The following PEX26 variants were observed in gnomAD, a reference collection of about 807,000 sequenced individuals.
PEX26 encodes the protein peroxisome assembly protein 26.
PEX26 carries 18 observed loss-of-function variants against 31.4 expected under a neutral mutation model. The observed-to-expected ratio is 0.57, with a 90% CI of 0.40 to 0.85. The LOEUF is 0.85. Among genes scored for constraint, PEX26 ranks in the 40% least tolerant of loss-of-function variants. PEX26 has a pLI of 0.00. For missense variants in PEX26, 377 were observed against 383.9 expected (o/e 0.98, Z 0.15); for synonymous variants, 176 against 166.9 (o/e 1.05, Z -0.42).
At position 18,102,293 on chromosome 22, in the gene PEX26, A is replaced by T. The variant is rs1221289776; in HGVS notation, c.*14218A>T. On this transcript the variant is annotated 3_prime_UTR_variant, in exon 5 of 5. Coordinates refer to ENST00000399744, the MANE Select transcript of PEX26 (RefSeq NM_001127649.3). The stretch of plus-strand genomic sequence containing the variant: ...CAAGAAGGTGTTTCAGGAGAAACAC[A>T]TCAAGCCATTTGTTTTTGACCCTTA... The T allele has an allele frequency of 6.6e-6, 1 of 152,362 alleles. No individual in the cohort carries two copies. Among genetic ancestry groups the T allele is most frequent in the Non-Finnish European group, 1.5e-5 (1 of 68,062 alleles). 9.4% of individuals were successfully genotyped at this position (152,362 alleles called of 1,614,324 possible).
chr22:18,080,955 T>A (rs1386384058), intron 2 of PEX26, among the ~76,000 whole-genome samples: 1 of 151,646 alleles, frequency 6.6e-6, no homozygotes, highest in Non-Finnish European at 1.5e-5. Flanking sequence ...TTTCCCAGTC[T>A]CTGGTAACCA....
intron 4 of PEX26, among the ~76,000 whole-genome samples, chr22:18,086,820 G>T (rs1926859887): frequency 1.3e-5 from 2 of 151,972 alleles, no homozygotes; most frequent in South Asian, 4.2e-4. Context: ...TGTTAACTTA[G>T]TCTTTAGATT....
chr22:18,088,416 G>A lies in PEX26; in HGVS notation c.*341G>A, dbSNP rs1569189944. On this transcript the variant is annotated 3_prime_UTR_variant, in exon 5 of 5. Transcript: ENST00000399744. This position sits in a 1 kb window ranked among gnomAD's most constrained non-coding sequence, Gnocchi z 4.1. Reference sequence around the variant, plus strand: ...GGCAAGGGGTTGGTTCTTCAGGTCAGGATGTTAATGGAGCTGGAAGTTCAG... The same window carrying A: ...GGCAAGGGGTTGGTTCTTCAGGTCAAGATGTTAATGGAGCTGGAAGTTCAG... 7.4e-6 allele frequency: 3 copies of A among 406,130 alleles called. No homozygotes were observed. The highest frequency in any genetic ancestry group is 1.4e-5 in the Non-Finnish European group (3 of 213,306). 25.2% of individuals were successfully genotyped at this position (406,130 alleles called of 1,614,324 possible). A position where few individuals can be genotyped will look rare whatever the true frequency, so the allele number is the denominator to read the frequency against.
chr22:18,080,242 C>T (rs376401621), intron 2 of PEX26, among the ~76,000 whole-genome samples: 1 of 152,222 alleles, frequency 6.6e-6, no homozygotes, highest in Admixed American at 6.5e-5. Flanking sequence ...ATAGGAGCGA[C>T]GTGGGATGAC....
Position 18,079,918 on chromosome 22 carries a change from C to T in PEX26, c.275C>T (p.Ala92Val), listed in dbSNP as rs1238353298. Residue 92 changes from alanine (A) to valine (V), a missense_variant, in exon 2 of 5, where the codon GCC (alanine) becomes GTC (valine). Coordinates refer to ENST00000399744, the MANE Select transcript of PEX26 (RefSeq NM_001127649.3). Reference protein sequence around the residue: ...KCSLCVVGIQALAEMDRWQEV... With the variant: ...KCSLCVVGIQVLAEMDRWQEV... Reference sequence around the variant, plus strand: ...TCCCTGTGTGTTGTGGGGATCCAGGCCCTGGCAGAAATGGATCGGTGGCAA... The same window carrying T: ...TCCCTGTGTGTTGTGGGGATCCAGGTCCTGGCAGAAATGGATCGGTGGCAA... 1 of 1,614,020 alleles carries T rather than the reference C, an allele frequency of 6.2e-7. No homozygotes were observed. Among genetic ancestry groups the T allele is most frequent in the South Asian group, 1.1e-5 (1 of 91,076 alleles).
rs1223190818 is a variant in PEX26, at chr22:18,097,642, G to A, written c.*9567G>A. 6.6e-6 allele frequency: 1 copy of A among 151,892 alleles called. No individual in the cohort carries two copies. The highest frequency in any genetic ancestry group is 1.5e-5 in the Non-Finnish European group (1 of 67,976). 9.4% of individuals were successfully genotyped at this position (151,892 alleles called of 1,614,324 possible). A position where few individuals can be genotyped will look rare whatever the true frequency, so the allele number is the denominator to read the frequency against. Reference sequence around the variant, plus strand: ...AAAACCAGTATGGATATAGATCCTAGTTTCTTCTCCTTTTTATAAAAAAAA... The same window carrying A: ...AAAACCAGTATGGATATAGATCCTAATTTCTTCTCCTTTTTATAAAAAAAA... On this transcript the variant is annotated 3_prime_UTR_variant, in exon 5 of 5. Coordinates refer to ENST00000399744, the MANE Select transcript of PEX26 (RefSeq NM_001127649.3).
intron 3 of PEX26, 60 bp downstream of exon 3, chr22:18,083,792 C>T (rs1295140677): frequency 5.9e-6 from 9 of 1,514,206 alleles, no homozygotes; most frequent in South Asian, 2.3e-5. Context: ...CACTGTACCT[C>T]GGGGTCTGTC....
Position 18,097,048 on chromosome 22 carries a change from C to G in PEX26, c.*8973C>G, listed in dbSNP as rs1231489147. On this transcript the variant is annotated 3_prime_UTR_variant, in exon 5 of 5. Transcript: ENST00000399744. Reference sequence around the variant, plus strand: ...GAGGGGGGATGCCACACTTTAAAACCATCAGAACTCGTGAGAACTGACTCA... The same window carrying G: ...GAGGGGGGATGCCACACTTTAAAACGATCAGAACTCGTGAGAACTGACTCA... The G allele has an allele frequency of 6.6e-6, 1 of 152,170 alleles. No individual in the cohort carries two copies. Among genetic ancestry groups the G allele is most frequent in the Non-Finnish European group, 1.5e-5 (1 of 68,056 alleles). 9.4% of individuals were successfully genotyped at this position (152,170 alleles called of 1,614,324 possible).
rs1209852400 is a variant in PEX26, at chr22:18,093,750, A to G, written c.*5675A>G. ...AAAGAGATGCCCCGGGTACGACCCC[A>G]TTTCTATTAAAAATAAATGTAAACA... is the stretch of plus-strand genomic sequence containing the variant. On this transcript the variant is annotated 3_prime_UTR_variant, in exon 5 of 5. Transcript: ENST00000399744. The G allele has an allele frequency of 6.6e-6, 1 of 152,180 alleles. No homozygotes were observed. The highest frequency in any genetic ancestry group is 1.5e-5 in the Non-Finnish European group (1 of 68,034). The allele number at this position is 152,180 out of a possible 1,614,324, so 9.4% of individuals were successfully genotyped here.
At chr22:18,086,615 G>C (rs1409685233) in intron 4 of PEX26, among the ~76,000 whole-genome samples, 1 of 152,176 alleles carries the variant, frequency 6.6e-6, no homozygotes, top group African/African-American at 2.4e-5. Flanking sequence ...TGACCCCTCA[G>C]GTGCATGAAG....
rs1333132844 is a variant in PEX26 at position 18,078,194 on chromosome 22, C to T, written c.-183C>T. 5.7e-6 allele frequency: 4 copies of T among 702,382 alleles called. No homozygotes were observed. Among genetic ancestry groups the T allele is most frequent in the Non-Finnish European group, 1.0e-5 (4 of 385,712 alleles). The allele number at this position is 702,382 out of a possible 1,614,324, so 43.5% of individuals were successfully genotyped here. ...ACTGCTTCCCCAGCCTCCAGGCGAG[C>T]CCAGCTTTTGCCTCAGATAGGCCCC... On this transcript the variant is annotated 5_prime_UTR_variant, in exon 1 of 5. Coordinates refer to ENST00000399744, the MANE Select transcript of PEX26 (RefSeq NM_001127649.3).
rs1354085025 is a variant in PEX26, at chr22:18,095,639, T to G, written c.*7564T>G. ...GGTGACAAGTGCTTGTTTTCAGAGGTGCTAAAGACAATGGCTAAAAGATGT... is the reference window on the plus strand; with the variant it reads ...GGTGACAAGTGCTTGTTTTCAGAGGGGCTAAAGACAATGGCTAAAAGATGT... On this transcript the variant is annotated 3_prime_UTR_variant, in exon 5 of 5. Transcript: ENST00000399744. The G allele has an allele frequency of 6.6e-6, 1 of 151,882 alleles. No homozygotes were observed. The highest frequency in any genetic ancestry group is 1.5e-5 in the Non-Finnish European group (1 of 68,030). 9.4% of individuals were successfully genotyped at this position (151,882 alleles called of 1,614,324 possible). A position where few individuals can be genotyped will look rare whatever the true frequency, so the allele number is the denominator to read the frequency against.
chr22:18,100,320 C>A lies in PEX26; in HGVS notation c.*12245C>A, dbSNP rs1927415939. On this transcript the variant is annotated 3_prime_UTR_variant, in exon 5 of 5. Coordinates refer to ENST00000399744, the MANE Select transcript of PEX26 (RefSeq NM_001127649.3). ...AAACTCCTGATCTTGGGTGATCTGC[C>A]CTCCTCAGCCTCCCAAAGTGCTGGG... is the stretch of plus-strand genomic sequence containing the variant. 6.6e-6 allele frequency: 1 copy of A among 152,090 alleles called. No homozygotes were observed. The highest frequency in any genetic ancestry group is 1.5e-5 in the Non-Finnish European group (1 of 68,004). The allele number at this position is 152,090 out of a possible 1,614,324, so 9.4% of individuals were successfully genotyped here. A position where few individuals can be genotyped will look rare whatever the true frequency, so the allele number is the denominator to read the frequency against.
At chr22:18,081,116 G>T (rs960400670) in intron 2 of PEX26, among the ~76,000 whole-genome samples, 2 of 142,436 alleles carry the variant, frequency 1.4e-5, no homozygotes, top group African/African-American at 5.0e-5. Flanking sequence ...TGAATGACAA[G>T]ATTTCATTCT....
At chr22:18,086,640 C>T (rs551793848) in intron 4 of PEX26, among the ~76,000 whole-genome samples, 137 of 152,276 alleles carry the variant, frequency 9.0e-4, no homozygotes, top group Non-Finnish European at 1.7e-3. Context: ...ACTTGGCACT[C>T]GCTCTTTTAG....
rs1926942969 is a variant in PEX26, at chr22:18,088,535, T to G, written c.*460T>G. 2 of 289,906 alleles carry G rather than the reference T, an allele frequency of 6.9e-6. No homozygotes were observed. Among genetic ancestry groups the G allele is most frequent in the South Asian group, 6.7e-5 (2 of 29,636 alleles). 18.0% of individuals were successfully genotyped at this position (289,906 alleles called of 1,614,324 possible). On this transcript the variant is annotated 3_prime_UTR_variant, in exon 5 of 5. Coordinates refer to ENST00000399744, the MANE Select transcript of PEX26 (RefSeq NM_001127649.3). The surrounding 1 kb of genome is among the most constrained non-coding windows in gnomAD (Gnocchi z 4.1). ...GACTCACGCCTGTAATCCCAGCACT[T>G]TGGAAGGGTGAGGTGGGTGGATCAC...
rs1240527234 is a variant in PEX26 at position 18,100,728 on chromosome 22, T to C, written c.*12653T>C. ...AAAGCAGGTAGATGACCAGCGATGC[T>C]GTTTACTACATCCTACGCATGCTGA... On this transcript the variant is annotated 3_prime_UTR_variant, in exon 5 of 5. Transcript: ENST00000399744. The C allele has an allele frequency of 6.6e-6, 1 of 152,282 alleles. No individual in the cohort carries two copies. The highest frequency in any genetic ancestry group is 1.5e-5 in the Non-Finnish European group (1 of 68,044). The allele number at this position is 152,282 out of a possible 1,614,324, so 9.4% of individuals were successfully genotyped here. A position where few individuals can be genotyped will look rare whatever the true frequency, so the allele number is the denominator to read the frequency against.
Position 18,085,200 on chromosome 22 carries a change from CA to C in PEX26, c.761del (p.Lys254ArgfsTer7). The C allele has an allele frequency of 1.2e-6, 2 of 1,614,088 alleles. No homozygotes were observed. Among genetic ancestry groups the C allele is most frequent in the Admixed American group, 1.7e-5 (1 of 60,020 alleles). Reference protein sequence around the residue: ...AVSHFFSLPFKKSLLAALILC... With the variant: ...AVSHFFSLPFXKSLLAALILC... ...TGAGCCACTTCTTTTCTCTGCCCTT[CA>C]AAAAGAGTCTCCTGGCTGCCTTGAT... On this transcript the variant is annotated frameshift_variant, in exon 4 of 5. Coordinates refer to ENST00000399744, the MANE Select transcript of PEX26 (RefSeq NM_001127649.3). LOFTEE classifies it high-confidence loss of function.
rs1433099852 is a variant in PEX26 at position 18,097,723 on chromosome 22, A to G, written c.*9648A>G. The stretch of plus-strand genomic sequence containing the variant: ...CCTTCCTTTTTTTTTCTTATAAAAA[A>G]TACAGAGATGGGGTCTTACTACACT... On this transcript the variant is annotated 3_prime_UTR_variant, in exon 5 of 5. Coordinates refer to ENST00000399744, the MANE Select transcript of PEX26 (RefSeq NM_001127649.3). 6.6e-6 allele frequency: 1 copy of G among 152,152 alleles called. No individual in the cohort carries two copies. The highest frequency in any genetic ancestry group is 1.5e-5 in the Non-Finnish European group (1 of 68,026). 9.4% of individuals were successfully genotyped at this position (152,152 alleles called of 1,614,324 possible). A position where few individuals can be genotyped will look rare whatever the true frequency, so the allele number is the denominator to read the frequency against.
Sources: gnomAD v4.1 joint callset for allele counts (sites outside exome capture counted in the v4.1 genomes callset) on GRCh38, gnomAD v4.1.1 for gene constraint, Gnocchi (gnomAD v3.1) non-coding constraint, MANE v1.5 for transcripts, NCBI Gene and HGNC (gene_info 2026-07-23, HGNC 2026-07-21) for gene names.